OTOA: variants seen among roughly 807,000 people sequenced by gnomAD.
OTOA encodes the protein otoancorin.
Under a neutral mutation model 110.8 loss-of-function variants are expected in OTOA, and 70 were observed. That is an observed-to-expected ratio of 0.63 (90% confidence interval 0.52 to 0.77). The LOEUF is 0.77. Among genes scored for constraint, OTOA ranks in the 30% least tolerant of loss-of-function variants. OTOA has a pLI of 0.00. For missense variants in OTOA, 917 were observed against 1,075.8 expected, an observed-to-expected ratio of 0.85 and a Z score of 2.06; for synonymous variants, 373 against 431.5, an observed-to-expected ratio of 0.86 and a Z score of 1.68.
chr16:21,675,462 T>A (rs1480938864), intron 1 of OTOA, among the ~76,000 whole-genome samples: 1 of 151,660 alleles, frequency 6.6e-6, no homozygotes, highest in African/African-American at 2.4e-5. Context: ...TGCTAATGAT[T>A]TATTCAGATA....
chr16:21,693,463 C>T (rs775837291), intron 9 of OTOA, among the ~76,000 whole-genome samples: 1 of 152,286 alleles, frequency 6.6e-6, no homozygotes, highest in Non-Finnish European at 1.5e-5. Flanking sequence ...AAAGTCTCTG[C>T]TCTTACGGCC....
chr16:21,710,221 T>G, intron 13 of OTOA, 118 bp downstream of exon 13: 1 of 1,114,338 alleles, frequency 9.0e-7, no homozygotes. Flanking sequence ...ATAAATTTAT[T>G]TCTCACAGTT....
chr16:21,681,187 A>G (rs1270507655), intron 5 of OTOA, among the ~76,000 whole-genome samples: 2 of 152,214 alleles, frequency 1.3e-5, no homozygotes, highest in Non-Finnish European at 2.9e-5. Context: ...TGTTACGGGA[A>G]TTAGAATATT....
chr16:21,670,566 T>C (rs1003350846), intron 1 of OTOA, among the ~76,000 whole-genome samples: 3 of 152,144 alleles, frequency 2.0e-5, no homozygotes, highest in Admixed American at 6.6e-5. Flanking sequence ...ATAATATAGT[T>C]ATTTGATTAT....
At chr16:21,692,548 A>C in intron 9 of OTOA, among the ~76,000 whole-genome samples, 1 of 152,110 alleles carries the variant, frequency 6.6e-6, no homozygotes, top group East Asian at 1.9e-4. Context: ...CAAGGTTCAA[A>C]ATATTCTGGA....
intron 13 of OTOA, among the ~76,000 whole-genome samples, chr16:21,712,997 T>C (rs1252701629): frequency 1.3e-5 from 2 of 152,098 alleles, no homozygotes; most frequent in Non-Finnish European, 2.9e-5. Flanking sequence ...AGGTTCTCAC[T>C]ATGTTGCCCA....
chr16:21,714,407 TTCTC>T (rs892277056), intron 13 of OTOA, among the ~76,000 whole-genome samples: 2 of 148,374 alleles, frequency 1.3e-5, no homozygotes, highest in South Asian at 2.1e-4. Context: ...TTCTCTTTCT[TTCTC>T]TTTCTTTCTT....
chr16:21,688,155 A>G (rs1890492183), intron 8 of OTOA, among the ~76,000 whole-genome samples: 1 of 151,732 alleles, frequency 6.6e-6, no homozygotes, highest in Non-Finnish European at 1.5e-5. Flanking sequence ...TTTGGGAAGC[A>G]GAGGTGGGTG....
intron 5 of OTOA, 118 bp from the exon 6 acceptor site, chr16:21,681,620 T>A: frequency 1.3e-6 from 1 of 789,888 alleles, no homozygotes; most frequent in Non-Finnish European, 2.2e-6. Context: ...CACTTCCAAG[T>A]ACAAAGTCCT....
At position 21,716,910 on chromosome 16, in the gene OTOA, G is replaced by A; in HGVS notation, c.1492G>A (p.Val498Ile). ...AQQQGILSKM[V>I]QAEDTAPGIV... ...TGTTGCTTCTCGCTTCTGGCAGATG[G>A]TCCAAGCGGAAGACACTGCCCCAGG... is the stretch of plus-strand genomic sequence containing the variant. Residue 498 changes from valine (V) to isoleucine (I), a missense_variant, in exon 15 of 29, where the codon GTC (valine) becomes ATC (isoleucine). Transcript: ENST00000646100. 1.2e-6 allele frequency: 2 copies of A among 1,613,902 alleles called. No individual in the cohort carries two copies. Among genetic ancestry groups the A allele is most frequent in the South Asian group, 2.2e-5 (2 of 91,072 alleles).
intron 20 of OTOA, among the ~76,000 whole-genome samples, chr16:21,728,762 C>T (rs1899013196): frequency 6.6e-6 from 1 of 151,624 alleles, no homozygotes. Flanking sequence ...CTATTTTTTG[C>T]ATTTTTAGTA....
At chr16:21,707,593 T>TTTTCTTTCTTTCTTTCTTTCTTTC (rs58214995) in intron 12 of OTOA, among the ~76,000 whole-genome samples, 3 of 94,112 alleles carry the variant, frequency 3.2e-5, no homozygotes, top group East Asian at 3.4e-4. Flanking sequence ...TTCTCCTTCC[T>TTTTCTTTCTTTCTTTCTTTCTTTC]TTTCTTTCTT....
intron 9 of OTOA, among the ~76,000 whole-genome samples, chr16:21,692,758 C>T (rs1597815062): frequency 6.6e-6 from 1 of 150,996 alleles, no homozygotes; most frequent in Non-Finnish European, 1.5e-5. Flanking sequence ...GAACCCCCTT[C>T]TCTACTAAAA....
chr16:21,721,376 C>T (rs768768320), intron 17 of OTOA: 18 of 455,086 alleles, frequency 4.0e-5, no homozygotes, highest in South Asian at 1.1e-4. Context: ...GACTTTTGGC[C>T]ATGTCTGCAA....
intron 11 of OTOA, among the ~76,000 whole-genome samples, chr16:21,701,929 G>C (rs917905044): frequency 6.9e-6 from 1 of 145,528 alleles, no homozygotes; most frequent in Admixed American, 6.9e-5. Context: ...GAGCCACCAC[G>C]CCTGGCCCAT....
chr16:21,692,942 A>AAAAG (rs1555497703), intron 9 of OTOA, among the ~76,000 whole-genome samples: 37 of 148,772 alleles, frequency 2.5e-4, no homozygotes, highest in Non-Finnish European at 3.9e-4. Flanking sequence ...AAAAAAAAAA[A>AAAAG]AAAGAAAGAA....
chr16:21,694,274 C>A (rs1337886862), intron 9 of OTOA, among the ~76,000 whole-genome samples: 3 of 151,956 alleles, frequency 2.0e-5, no homozygotes, highest in African/African-American at 7.3e-5. Context: ...GACCCCATTT[C>A]TTAAAAAATT....
chr16:21,687,194 G>A (rs1253107353), intron 7 of OTOA, among the ~76,000 whole-genome samples: 1 of 152,216 alleles, frequency 6.6e-6, no homozygotes, highest in East Asian at 1.9e-4. Context: ...ATGCTGGTCA[G>A]GTGTATCTGG....
chr16:21,698,996 G>A (rs1163607834), intron 10 of OTOA, among the ~76,000 whole-genome samples: 1 of 152,082 alleles, frequency 6.6e-6, no homozygotes, highest in Admixed American at 6.6e-5. Flanking sequence ...TGTCGTCCAG[G>A]CTAAAGTGCA....
Sources: allele counts gnomAD v4.1 joint callset (sites outside exome capture counted in the v4.1 genomes callset), GRCh38; gene constraint gnomAD v4.1.1; transcripts MANE v1.5; gene names NCBI Gene and HGNC (gene_info 2026-07-23, HGNC 2026-07-21).